The following NCOR2 variants were observed in gnomAD, a reference collection of about 807,000 sequenced individuals.
The protein encoded by NCOR2 is CTG repeat protein 26.
Under a neutral mutation model 262.9 loss-of-function variants are expected in NCOR2, and 81 were observed. The ratio of observed to expected loss-of-function variants is 0.31; its 90% CI spans 0.26 to 0.37. NCOR2 has a LOEUF of 0.37. Ranked by LOEUF, NCOR2 falls within the 10% of genes least tolerant of loss-of-function variation. The probability of loss-of-function intolerance (pLI) is 1.00; values close to 1 mark genes in which losing one functional copy is unlikely to be tolerated. For missense variants in NCOR2, 3,385 were observed against 3,621.4 expected, an observed-to-expected ratio of 0.93 and a Z score of 1.68; for synonymous variants, 1,659 against 1,559.3, an observed-to-expected ratio of 1.06 and a Z score of -1.51.
At chr12:124,474,029 T>C (rs2046964295) in intron 3 of NCOR2, among the ~76,000 whole-genome samples, 1 of 152,208 alleles carries the variant, frequency 6.6e-6, no homozygotes, top group Non-Finnish European at 1.5e-5. Flanking sequence ...TCTCCTCAAG[T>C]TGTGAAGTCT....
chr12:124,359,663 C>A (rs190105937), intron 22 of NCOR2, among the ~76,000 whole-genome samples: 4 of 152,320 alleles, frequency 2.6e-5, no homozygotes, highest in Middle Eastern at 3.4e-3. Context: ...CAGCCCAGTT[C>A]CAGAGAGTTG....
rs553000178 is a variant in NCOR2, at chr12:124,488,546, G to A, written c.106-1978C>T. On this transcript the variant is annotated intron_variant, in intron 1 of 46. Transcript: ENST00000405201. ...AGCCTCCAGAAGGCAGAAAAGGCAC[G>A]AGCCTCCTCCTGCATCCCACAGTGT... Among the ~76,000 whole-genome samples, 117 of 152,290 alleles carry A rather than the reference G, an allele frequency of 7.7e-4. 1 individual carries two copies. Among genetic ancestry groups the A allele is most frequent in the African/African-American group, 2.7e-3 (111 of 41,566 alleles).
At chr12:124,371,029 G>A (rs987621239) in intron 20 of NCOR2, among the ~76,000 whole-genome samples, 1 of 152,090 alleles carries the variant, frequency 6.6e-6, no homozygotes, top group Non-Finnish European at 1.5e-5. Flanking sequence ...CCAGCCCCAG[G>A]GCACTTGCAG....
At chr12:124,386,948 C>G (rs2040850062) in intron 16 of NCOR2, among the ~76,000 whole-genome samples, 1 of 152,244 alleles carries the variant, frequency 6.6e-6, no homozygotes, top group African/African-American at 2.4e-5. Flanking sequence ...ACAGGGAGTG[C>G]TCCTGACCTA....
intron 20 of NCOR2, among the ~76,000 whole-genome samples, chr12:124,366,207 C>A (rs2141247): frequency 0.51 from 77,798 of 151,936 alleles, 21,504 homozygotes; most frequent in Non-Finnish European, 0.61. Flanking sequence ...CACCAAGAGA[C>A]GAATGAGGAG....
intron 1 of NCOR2, among the ~76,000 whole-genome samples, chr12:124,525,254 C>T (rs2050402772): frequency 6.6e-6 from 1 of 152,164 alleles, no homozygotes; most frequent in Admixed American, 6.5e-5. Context: ...CATCCCCCTT[C>T]CTTTCACATA....
chr12:124,359,815 G>A (rs888050394), intron 22 of NCOR2, among the ~76,000 whole-genome samples: 24 of 152,370 alleles, frequency 1.6e-4, no homozygotes, highest in African/African-American at 2.9e-4. Context: ...TGGCTGAGCC[G>A]CTCTGTGTGG....
chr12:124,474,390 TGA>T (rs754642483), intron 3 of NCOR2, among the ~76,000 whole-genome samples: 2 of 148,060 alleles, frequency 1.4e-5, no homozygotes, highest in Non-Finnish European at 3.0e-5. Context: ...CTTCTTTCAC[TGA>T]GAGTCACTCT....
intron 4 of NCOR2, among the ~76,000 whole-genome samples, chr12:124,469,430 G>A (rs12830666): frequency 0.45 from 68,259 of 151,992 alleles, 18,134 homozygotes; most frequent in Non-Finnish European, 0.58. Context: ...CCCAAAGCAC[G>A]GAACAAACAA....
At chr12:124,412,541 G>A (rs2042636682) in intron 13 of NCOR2, among the ~76,000 whole-genome samples, 1 of 152,368 alleles carries the variant, frequency 6.6e-6, no homozygotes, top group African/African-American at 2.4e-5. Flanking sequence ...TCAGCTCAGA[G>A]CTGCCTCATC....
In NCOR2 at chr12:124,482,434, G is replaced by A. The variant is rs2047544297; in HGVS notation, c.411+1162C>T. On this transcript the variant is annotated intron_variant, in intron 3 of 46. Transcript: ENST00000405201. The surrounding 1 kb of genome is among the most constrained non-coding windows in gnomAD (Gnocchi z 6.3). The stretch of plus-strand genomic sequence containing the variant: ...CCACGCAGGTATCCTCTCTCCCCGA[G>A]AGAAGGCCGAGTCTGGCCCAGGTGG... Among the ~76,000 whole-genome samples, 1 of 152,180 alleles carries A rather than the reference G, an allele frequency of 6.6e-6. No homozygotes were observed. Among genetic ancestry groups the A allele is most frequent in the Non-Finnish European group, 1.5e-5 (1 of 68,020 alleles).
At chr12:124,344,980 C>T (rs1258274903) in intron 31 of NCOR2, 29 bp from the exon 34 acceptor site, 1 of 1,497,240 alleles carries the variant, frequency 6.7e-7, no homozygotes, top group African/African-American at 1.4e-5. Context: ...AAGCTCTAGC[C>T]CTGGCCACAG....
At chr12:124,400,931 G>A (rs959899098) in intron 14 of NCOR2, among the ~76,000 whole-genome samples, 7 of 152,208 alleles carry the variant, frequency 4.6e-5, no homozygotes, top group Non-Finnish European at 1.0e-4. Context: ...GCGGCCAGGT[G>A]TGCTGGGTCA....
exon 31 of NCOR2, chr12:124,346,662 C>T: frequency 6.3e-7 from 1 of 1,583,288 alleles, no homozygotes; most frequent in Non-Finnish European, 8.6e-7. Flanking sequence ...GAGCGGCCCG[C>T]CTCCTTCACC....
intron 28 of NCOR2, among the ~76,000 whole-genome samples, chr12:124,350,128 T>C (rs1019959010): frequency 3.9e-5 from 6 of 152,008 alleles, no homozygotes; most frequent in African/African-American, 1.4e-4. Context: ...TTCCCTTAAC[T>C]CCTTCCTGGC....
exon 41 of NCOR2, chr12:124,334,524 G>A: frequency 6.9e-7 from 1 of 1,438,904 alleles, no homozygotes; most frequent in East Asian, 2.7e-5. Flanking sequence ...TCCAGGACGG[G>A]GCAGCTGGCC....
chr12:124,425,700 G>A (rs2043498756), intron 11 of NCOR2, among the ~76,000 whole-genome samples: 1 of 152,116 alleles, frequency 6.6e-6, no homozygotes, highest in African/African-American at 2.4e-5. Flanking sequence ...GAGAGAACTC[G>A]ACTCCCGTCT....
Position 124,325,361 on chromosome 12 carries a change from G to A in NCOR2, c.*41C>T, listed in dbSNP as rs745405095. 70 of 1,146,010 alleles carry A rather than the reference G, an allele frequency of 6.1e-5. No homozygotes were observed. The African/African-American group carries it at 9.7e-4, about 16-fold the overall frequency. 71.0% of individuals were successfully genotyped at this position (1,146,010 alleles called of 1,614,324 possible). A position where few individuals can be genotyped will look rare whatever the true frequency, so the allele number is the denominator to read the frequency against. ...TCCTGCAGGGCCGTTCCTGTGGCTCGCTGGGACCTGACACCGCCCCCCCCC... is the reference window on the plus strand; with the variant it reads ...TCCTGCAGGGCCGTTCCTGTGGCTCACTGGGACCTGACACCGCCCCCCCCC... On this transcript the variant is annotated 3_prime_UTR_variant, in exon 47 of 47. Transcript: ENST00000405201.
At chr12:124,546,312 A>C (rs1339851355) in intron 1 of NCOR2, among the ~76,000 whole-genome samples, 1 of 152,272 alleles carries the variant, frequency 6.6e-6, no homozygotes, top group Non-Finnish European at 1.5e-5. Flanking sequence ...TATGTACAGC[A>C]GTTCCTGCTT....
Sources: gnomAD v4.1 joint callset for allele counts (sites outside exome capture counted in the v4.1 genomes callset) on GRCh38, gnomAD v4.1.1 for gene constraint, Gnocchi (gnomAD v3.1) non-coding constraint, MANE v1.5 for transcripts, NCBI Gene and HGNC (gene_info 2026-07-23, HGNC 2026-07-21) for gene names.